ADAMTS16: variants seen among roughly 807,000 people sequenced by gnomAD.
The protein encoded by ADAMTS16 is ADAM metallopeptidase with thrombospondin type 1 motif 16.
ADAMTS16 carries 94 observed loss-of-function variants against 145.8 expected under a neutral mutation model. The ratio of observed to expected loss-of-function variants is 0.64; its 90% confidence interval spans 0.55 to 0.77. The LOEUF (loss-of-function observed/expected upper bound fraction) is 0.77, where lower values mean the gene tolerates loss of function less well. Ranked by LOEUF, ADAMTS16 falls within the 30% of genes least tolerant of loss-of-function variation. The probability of loss-of-function intolerance (pLI) is 0.00; values close to 1 mark genes in which losing one functional copy is unlikely to be tolerated. For synonymous variants in ADAMTS16, 659 were observed against 604.3 expected, an observed-to-expected ratio of 1.09 and a Z score of -1.33; for missense variants, 1,585 against 1,591.5, an observed-to-expected ratio of 1.00 and a Z score of 0.07.
chr5:5,190,768 A>G (rs1269247461), intron 7 of ADAMTS16, among the ~76,000 whole-genome samples: 1 of 152,188 alleles, frequency 6.6e-6, no homozygotes, highest in Non-Finnish European at 1.5e-5. Context: ...CTTATTGTGC[A>G]AAAGCAAGTT....
intron 4 of ADAMTS16, 64 bp from the exon 5 acceptor site, chr5:5,185,988 A>G (rs1735484754): frequency 2.1e-6 from 3 of 1,416,048 alleles, no homozygotes; most frequent in Non-Finnish European, 2.9e-6. Flanking sequence ...CTCTATGACG[A>G]GTTACGGCCC....
intron 10 of ADAMTS16, among the ~76,000 whole-genome samples, chr5:5,216,008 G>A (rs1736429303): frequency 1.3e-5 from 2 of 150,544 alleles, no homozygotes; most frequent in Admixed American, 6.6e-5. Context: ...ACATGTATGT[G>A]CAAGTATCTT....
intron 18 of ADAMTS16, among the ~76,000 whole-genome samples, chr5:5,275,575 C>T (rs933262526): frequency 3.9e-5 from 6 of 152,104 alleles, no homozygotes; most frequent in Non-Finnish European, 5.9e-5. Context: ...TTTTACTTTA[C>T]AATTGACTTT....
rs193174391 is a variant in ADAMTS16, at chr5:5,150,155, G to A, written c.501+3700G>A. The stretch of plus-strand genomic sequence containing the variant: ...TACCATTTTATATTACCCTAGTAAT[G>A]TCTGAAGTTTCCTATTTCTCCACAT... On this transcript the variant is annotated intron_variant, in intron 3 of 22. Transcript: ENST00000274181. Among the ~76,000 whole-genome samples the A allele has an allele frequency of 2.6e-5, 4 of 152,302 alleles. No individual in the cohort carries two copies. In the East Asian group the frequency reaches 5.8e-4, roughly 22 times the overall value.
intron 21 of ADAMTS16, among the ~76,000 whole-genome samples, chr5:5,311,442 T>C (rs1039297227): frequency 5.9e-5 from 9 of 151,814 alleles, no homozygotes; most frequent in African/African-American, 1.7e-4. Context: ...TTAACTAAAA[T>C]AAAACCAGCT....
At chr5:5,238,893 T>G (rs1216870118) in intron 14 of ADAMTS16, among the ~76,000 whole-genome samples, 2 of 152,260 alleles carry the variant, frequency 1.3e-5, no homozygotes, top group African/African-American at 4.8e-5. Flanking sequence ...CCTACAGGTT[T>G]AATTTGGGGC....
chr5:5,293,513 G>C (rs779463863), intron 18 of ADAMTS16, among the ~76,000 whole-genome samples: 10 of 152,128 alleles, frequency 6.6e-5, no homozygotes, highest in Non-Finnish European at 1.5e-4. Flanking sequence ...GAGCTGGCTG[G>C]AGAGCACCCC....
intron 17 of ADAMTS16, among the ~76,000 whole-genome samples, chr5:5,252,380 A>G (rs559145782): frequency 1.8e-4 from 28 of 152,276 alleles, no homozygotes; most frequent in Non-Finnish European, 3.2e-4. Flanking sequence ...AAGGAAAACA[A>G]TAATTCCACT....
chr5:5,239,244 G>A lies in ADAMTS16; in HGVS notation c.2248G>A (p.Gly750Ser), dbSNP rs376449684. Residue 750 changes from glycine to serine, a missense_variant, in exon 15 of 23, where the codon GGT becomes AGT. By Grantham distance (56) the Gly-to-Ser change is moderately conservative. Transcript: ENST00000274181. ...TAACTCAGCCTGCACGATTCACAGG[G>A]GTCTCTACACCAAGCACCACCACAC... ...GNNSACTIHR[G>S]LYTKHHHTNQ... The A allele has an allele frequency of 1.3e-6, 2 of 1,596,534 alleles. No homozygotes were observed. The highest frequency in any genetic ancestry group is 1.3e-5 in the African/African-American group (1 of 74,330).
chr5:5,306,046 G>T (rs543918450), intron 20 of ADAMTS16, among the ~76,000 whole-genome samples: 1 of 152,318 alleles, frequency 6.6e-6, no homozygotes, highest in African/African-American at 2.4e-5. Flanking sequence ...TTTCCTCGCA[G>T]GCAGCACTCA....
chr5:5,169,808 T>G (rs541611041), intron 3 of ADAMTS16, among the ~76,000 whole-genome samples: 42 of 152,256 alleles, frequency 2.8e-4, no homozygotes, highest in African/African-American at 9.6e-4. Flanking sequence ...TGCCCTCGGG[T>G]TCTTGTCTGG....
At chr5:5,147,012 A>G (rs10512769) in intron 3 of ADAMTS16, among the ~76,000 whole-genome samples, 23,054 of 152,022 alleles carry the variant, frequency 0.15, 1,852 homozygotes, top group East Asian at 0.28. Flanking sequence ...CATGTCCTGC[A>G]TATCGGGTTT....
chr5:5,319,057 C>G lies in ADAMTS16; in HGVS notation c.3594C>G (p.Tyr1198Ter), dbSNP rs1309578864. ...AFCKDYFHWC[Y>*]LVPQHGMCSH... ...GCAAAGACTACTTCCACTGGTGCTA[C>G]CTGGTACCCCAGCACGGGATGTGCA... Residue 1198 changes from tyrosine to a stop codon, truncating the protein, a stop_gained, in exon 23 of 23, where the codon TAC becomes TAG. Coordinates refer to ENST00000274181, the MANE Select transcript of ADAMTS16 (RefSeq NM_139056.4). LOFTEE classifies it low-confidence loss of function (END_TRUNC). 1.2e-6 allele frequency: 2 copies of G among 1,613,442 alleles called. No individual in the cohort carries two copies. Among genetic ancestry groups the G allele is most frequent in the South Asian group, 2.2e-5 (2 of 90,768 alleles).
intron 3 of ADAMTS16, among the ~76,000 whole-genome samples, chr5:5,166,943 C>T (rs1734902109): frequency 6.6e-6 from 1 of 152,222 alleles, no homozygotes. Context: ...TCACAGCCAG[C>T]TGCTCGCTTC....
intron 17 of ADAMTS16, among the ~76,000 whole-genome samples, chr5:5,249,728 A>G (rs750140792): frequency 2.0e-5 from 3 of 152,200 alleles, no homozygotes; most frequent in Non-Finnish European, 4.4e-5. Context: ...GCTAAGTATT[A>G]ACCAGCTCAG....
chr5:5,170,393 T>G (rs1735012446), intron 3 of ADAMTS16, among the ~76,000 whole-genome samples: 1 of 152,078 alleles, frequency 6.6e-6, no homozygotes, highest in South Asian at 2.1e-4. Flanking sequence ...TATTTATTTA[T>G]TTAGAGACAG....
chr5:5,210,804 C>T (rs553635027), intron 10 of ADAMTS16, among the ~76,000 whole-genome samples: 6 of 152,320 alleles, frequency 3.9e-5, no homozygotes, highest in South Asian at 2.1e-4. Flanking sequence ...ATTGTCAAAT[C>T]TTTCCCTACG....
At position 5,199,989 on chromosome 5, in the gene ADAMTS16, C is replaced by T. The variant is rs55939874; in HGVS notation, c.1314-143C>T. The T allele has an allele frequency of 4.5e-3, 4,302 of 957,940 alleles. 151 individuals are homozygous for T. The African/African-American group carries it at 0.066, about 15-fold the overall frequency. 59.3% of individuals were successfully genotyped at this position (957,940 alleles called of 1,614,324 possible). A position where few individuals can be genotyped will look rare whatever the true frequency, so the allele number is the denominator to read the frequency against. On this transcript the variant is annotated intron_variant, in intron 8 of 22. Coordinates refer to ENST00000274181, the MANE Select transcript of ADAMTS16 (RefSeq NM_139056.4). ...TACGTGAATATTCTTAACCAATTGG[C>T]AGTTGTGACTTTTATTTTTGCCTGC...
At position 5,309,948 on chromosome 5, in the gene ADAMTS16, C is replaced by T. The variant is rs528076049; in HGVS notation, c.3411+3220C>T. 1.3e-3 allele frequency among the ~76,000 whole-genome samples: 199 copies of T among 152,058 alleles called. 1 individual carries two copies. The highest frequency in any genetic ancestry group is 4.4e-3 in the African/African-American group (184 of 41,456). On this transcript the variant is annotated intron_variant, in intron 21 of 22. Transcript: ENST00000274181. ...AAACAGTCGTGCACAGTTCACATCCCAGTCAGGTGGCCAGGTCCCCTAGTA... is the reference window on the plus strand; with the variant it reads ...AAACAGTCGTGCACAGTTCACATCCTAGTCAGGTGGCCAGGTCCCCTAGTA...
Sources: allele counts gnomAD v4.1 joint callset (sites outside exome capture counted in the v4.1 genomes callset), GRCh38; gene constraint gnomAD v4.1.1; transcripts MANE v1.5; gene names NCBI Gene and HGNC (gene_info 2026-07-23, HGNC 2026-07-21).